Variants in CFAP44 observed in about 807,000 individuals in gnomAD.
CFAP44 encodes cilia and flagella associated protein 44.
Under a neutral mutation model 216.2 loss-of-function variants are expected in CFAP44, and 134 were observed. The ratio of observed to expected loss-of-function variants is 0.62; its 90% CI spans 0.54 to 0.72. The LOEUF (loss-of-function observed/expected upper bound fraction) is 0.72, where lower values mean the gene tolerates loss of function less well. CFAP44 is among the 30% of genes least tolerant of loss of function. The probability of loss-of-function intolerance (pLI) is 0.00; values close to 1 mark genes in which losing one functional copy is unlikely to be tolerated. For synonymous variants in CFAP44, 700 were observed against 727.6 expected, an observed-to-expected ratio of 0.96 and a Z score of 0.61; for missense variants, 2,035 against 2,182.1, an observed-to-expected ratio of 0.93 and a Z score of 1.34.
intron 17 of CFAP44, among the ~76,000 whole-genome samples, chr3:113,374,576 C>T (rs1933277118): frequency 6.6e-6 from 1 of 152,068 alleles, no homozygotes; most frequent in African/African-American, 2.4e-5. Context: ...TGAACACCCA[C>T]CTCATTCATA....
rs1438118832 is a variant in CFAP44, at chr3:113,291,066, T to C, written c.*491A>G. The C allele has an allele frequency of 1.3e-5, 2 of 154,132 alleles. No homozygotes were observed. Among genetic ancestry groups the C allele is most frequent in the African/African-American group, 4.8e-5 (2 of 41,472 alleles). 9.5% of individuals were successfully genotyped at this position (154,132 alleles called of 1,614,324 possible). A position where few individuals can be genotyped will look rare whatever the true frequency, so the allele number is the denominator to read the frequency against. ...AACAATGCCAAAACTGAAATTTGCA[T>C]TTCTATTCTAAGATATAGCTGACAA... On this transcript the variant is annotated 3_prime_UTR_variant, in exon 35 of 35. Transcript: ENST00000393845.
intron 2 of CFAP44, among the ~76,000 whole-genome samples, chr3:113,428,683 C>T (rs991697487): frequency 6.6e-6 from 1 of 152,064 alleles, no homozygotes; most frequent in African/African-American, 2.4e-5. Flanking sequence ...AACCTGAAAT[C>T]ACAAATGGAT....
At chr3:113,308,317 T>A (rs961882180) in intron 28 of CFAP44, 49 bp from the exon 29 acceptor site, 2 of 1,353,874 alleles carry the variant, frequency 1.5e-6, no homozygotes, top group Non-Finnish European at 2.0e-6. Context: ...TATATTAAAC[T>A]AAATACTAGA....
At chr3:113,426,780 T>C in intron 3 of CFAP44, 1 of 209,574 alleles carries the variant, frequency 4.8e-6, no homozygotes, top group Non-Finnish European at 9.3e-6. Flanking sequence ...GGCTGGAAGA[T>C]AGGAAGCAGT....
intron 24 of CFAP44, among the ~76,000 whole-genome samples, chr3:113,338,100 TA>T (rs531310144): frequency 9.6e-5 from 14 of 146,154 alleles, no homozygotes; most frequent in Non-Finnish European, 1.1e-4. Context: ...CTGTCTCTAC[TA>T]AAAAAAAAAT....
chr3:113,420,827 T>C (rs1289716194), intron 4 of CFAP44, among the ~76,000 whole-genome samples: 1 of 152,210 alleles, frequency 6.6e-6, no homozygotes, highest in Admixed American at 6.5e-5. Context: ...CAACAAATTA[T>C]GAAAATTGAT....
chr3:113,405,724 T>C (rs1026828267), intron 8 of CFAP44, among the ~76,000 whole-genome samples: 1 of 152,218 alleles, frequency 6.6e-6, no homozygotes, highest in Non-Finnish European at 1.5e-5. Context: ...GGCTTATTTC[T>C]TCCCTATATC....
At chr3:113,426,007 C>G in intron 4 of CFAP44, 117 bp downstream of exon 4, 2 of 1,251,984 alleles carry the variant, frequency 1.6e-6, no homozygotes, top group South Asian at 1.6e-5. Flanking sequence ...TGCAATAAAA[C>G]TTGATTTACC....
In CFAP44 at chr3:113,312,319, A is replaced by G. The variant is rs537902253; in HGVS notation, c.4517-4051T>C. Among the ~76,000 whole-genome samples, 12 of 148,348 alleles carry G rather than the reference A, an allele frequency of 8.1e-5. No homozygotes were observed. In the South Asian group the frequency reaches 2.4e-3, roughly 29 times the overall value. ...AGGATGGTCTCCATCACCTGACCTC[A>G]TGATCCGCCCACCTCAGCCTCCCAA... On this transcript the variant is annotated intron_variant, in intron 28 of 34. Coordinates refer to ENST00000393845, the MANE Select transcript of CFAP44 (RefSeq NM_001164496.2).
At chr3:113,436,890 C>T (rs1266964912) in intron 1 of CFAP44, among the ~76,000 whole-genome samples, 1 of 152,220 alleles carries the variant, frequency 6.6e-6, no homozygotes, top group Non-Finnish European at 1.5e-5. Flanking sequence ...ATAACATCCA[C>T]TTATTATTTC....
chr3:113,411,810 T>C (rs540379500), intron 6 of CFAP44, among the ~76,000 whole-genome samples: 4 of 152,352 alleles, frequency 2.6e-5, no homozygotes, highest in African/African-American at 9.6e-5. Flanking sequence ...TGTCCTCTTT[T>C]AATTCATTGA....
Position 113,306,253 on chromosome 3 carries a change from T to A in CFAP44, c.4706A>T (p.Glu1569Val). 1 of 1,537,080 alleles carries A rather than the reference T, an allele frequency of 6.5e-7. No homozygotes were observed. Among genetic ancestry groups the A allele is most frequent in the Non-Finnish European group, 8.7e-7 (1 of 1,146,764 alleles). Residue 1569 changes from glutamate (E) to valine (V), a missense_variant, in exon 30 of 35, where the codon GAA becomes GTA. By Grantham distance (121) the Glu-to-Val change is moderately radical (BLOSUM62 -2). Transcript: ENST00000393845. ...TTTGAGGTTATCAACAATTTTCTTT[T>A]CTTCAACTAAAGCCTCCTCAATGTC... ...RLDIEEALVE[E>V]KKIVDNLKKE... is the part of the protein sequence containing the mutation.
intron 16 of CFAP44, among the ~76,000 whole-genome samples, chr3:113,380,493 C>T (rs1933478023): frequency 6.6e-6 from 1 of 151,974 alleles, no homozygotes; most frequent in Non-Finnish European, 1.5e-5. Context: ...TGCATTGGTG[C>T]AATCACAGCT....
intron 22 of CFAP44, among the ~76,000 whole-genome samples, chr3:113,355,639 T>C (rs1179190965): frequency 6.6e-6 from 1 of 152,186 alleles, no homozygotes; most frequent in Non-Finnish European, 1.5e-5. Context: ...ACACCACATG[T>C]TCTCACTCAC....
At chr3:113,390,142 T>C (rs988648397) in intron 15 of CFAP44, among the ~76,000 whole-genome samples, 9 of 152,260 alleles carry the variant, frequency 5.9e-5, no homozygotes, top group African/African-American at 2.2e-4. Context: ...AAAAAGATCA[T>C]TCATCATGGC....
chr3:113,313,062 C>T (rs547971760), intron 28 of CFAP44, among the ~76,000 whole-genome samples: 1 of 152,046 alleles, frequency 6.6e-6, no homozygotes, highest in Admixed American at 6.5e-5. Context: ...AATGGTAGAT[C>T]CACCAACAGC....
chr3:113,365,180 G>A (rs1357701573), intron 19 of CFAP44, among the ~76,000 whole-genome samples: 1 of 152,072 alleles, frequency 6.6e-6, no homozygotes, highest in East Asian at 1.9e-4. Context: ...TTTTCTTCTT[G>A]TTCATATACT....
At chr3:113,377,145 A>G (rs1355583415) in intron 17 of CFAP44, among the ~76,000 whole-genome samples, 1 of 152,230 alleles carries the variant, frequency 6.6e-6, no homozygotes, top group Non-Finnish European at 1.5e-5. Flanking sequence ...GAGTAAGAGA[A>G]GGTACAAAAT....
intron 22 of CFAP44, among the ~76,000 whole-genome samples, chr3:113,357,596 A>C (rs1950502833): frequency 6.6e-6 from 1 of 152,196 alleles, no homozygotes; most frequent in South Asian, 2.1e-4. Context: ...TGACACTTTG[A>C]TTTTGGACTT....
Sources: gnomAD v4.1 joint callset for allele counts (sites outside exome capture counted in the v4.1 genomes callset) on GRCh38, gnomAD v4.1.1 for gene constraint, MANE v1.5 for transcripts, NCBI Gene and HGNC (gene_info 2026-07-23, HGNC 2026-07-21) for gene names.